Variants in NCOA6 observed in about 807,000 individuals in gnomAD.
The protein encoded by NCOA6 is NRC RAP250.
Under a neutral mutation model 171.4 loss-of-function variants are expected in NCOA6, and 49 were observed. The ratio of observed to expected loss-of-function variants is 0.29; its 90% confidence interval spans 0.23 to 0.36. The LOEUF is 0.36. Among genes scored for constraint, NCOA6 ranks in the 10% least tolerant of loss-of-function variants. The probability of loss-of-function intolerance (pLI) is 1.00; values close to 1 mark genes in which losing one functional copy is unlikely to be tolerated. For synonymous variants in NCOA6, 910 were observed against 927.5 expected, an observed-to-expected ratio of 0.98 and a Z score of 0.34; for missense variants, 2,248 against 2,554.5, an observed-to-expected ratio of 0.88 and a Z score of 2.59.
chr20:34,758,641 GA>G, intron 6 of NCOA6, among the ~76,000 whole-genome samples, 163 bp downstream of exon 6: 1 of 152,284 alleles, frequency 6.6e-6, no homozygotes, highest in Middle Eastern at 3.4e-3. Flanking sequence ...ATTCTGAAAA[GA>G]AAATAATGAC....
chr20:34,795,897 A>C (rs1179428885), intron 1 of NCOA6, among the ~76,000 whole-genome samples: 1 of 152,130 alleles, frequency 6.6e-6, no homozygotes, highest in Non-Finnish European at 1.5e-5. Context: ...GCTTGTTTTC[A>C]AATTATTCAA....
At chr20:34,787,537 A>G (rs564616813) in intron 2 of NCOA6, among the ~76,000 whole-genome samples, 43 of 152,220 alleles carry the variant, frequency 2.8e-4, no homozygotes, top group African/African-American at 8.9e-4. Context: ...AAAAAAAAAA[A>G]AAAAATTAAA....
rs761712751 is a variant in NCOA6, at chr20:34,757,908, T to TTGCTGTTGTTGCTGCTGC, written c.822_839dup (p.Gln280_Gln285dup). ...TTGCCTGCAACTGTTGTTGCTGCTGTTGCTGTTGTTGCTGCTGCTGCTGCT... is the reference window on the plus strand; with the variant it reads ...TTGCCTGCAACTGTTGTTGCTGCTGTTGCTGTTGTTGCTGCTGCTGCTGTTGTTGCTGCTGCTGCTGCT... On this transcript the variant is annotated inframe_insertion, in exon 7 of 15. Coordinates refer to ENST00000359003, the MANE Select transcript of NCOA6 (RefSeq NM_014071.5). The TTGCTGTTGTTGCTGCTGC allele has an allele frequency of 7.6e-5, 122 of 1,613,644 alleles. No individual in the cohort carries two copies. Among genetic ancestry groups the TTGCTGTTGTTGCTGCTGC allele is most frequent in the Middle Eastern group, 1.6e-4 (1 of 6,066 alleles).
At chr20:34,799,556 G>A (rs2078187005) in intron 1 of NCOA6, among the ~76,000 whole-genome samples, 1 of 152,020 alleles carries the variant, frequency 6.6e-6, no homozygotes, top group African/African-American at 2.4e-5. Flanking sequence ...ACTCCCAAAG[G>A]TCAACGATAA....
At chr20:34,764,858 A>C (rs2076928607) in intron 5 of NCOA6, among the ~76,000 whole-genome samples, 1 of 151,968 alleles carries the variant, frequency 6.6e-6, no homozygotes, top group Admixed American at 6.6e-5. Context: ...TCACACCTGT[A>C]ATCTCAGCAC....
intron 2 of NCOA6, among the ~76,000 whole-genome samples, chr20:34,790,527 T>C (rs1033896599): frequency 2.6e-5 from 4 of 151,940 alleles, no homozygotes; most frequent in African/African-American, 9.7e-5. Context: ...GCTAATTTTT[T>C]TGCATTTTTA....
At chr20:34,782,056 T>A in intron 3 of NCOA6, 65 bp downstream of exon 3, 1 of 1,155,304 alleles carries the variant, frequency 8.7e-7, no homozygotes, top group Non-Finnish European at 1.2e-6. Flanking sequence ...AAACTCAAGA[T>A]AACCATGGAA....
In NCOA6 at chr20:34,741,147, A is replaced by G. The variant is rs200880705; in HGVS notation, c.5109T>C (p.Pro1703=). The G allele has an allele frequency of 7.7e-5, 124 of 1,614,108 alleles. 1 individual carries two copies. Among genetic ancestry groups the G allele is most frequent in the South Asian group, 3.1e-4 (28 of 91,092 alleles). ...GAGCAGAAGAAAATTTTATGTTCTG[A>G]GGTATGTGTAAAGGGCCAACAACTG... ...SVAVVGPLHI[P]QNIKFSSAPV... The change falls in exon 11 of 15, where the codon CCT becomes CCC. Residue 1703 remains proline, a synonymous_variant. Coordinates refer to ENST00000359003, the MANE Select transcript of NCOA6 (RefSeq NM_014071.5).
chr20:34,728,981 T>C (rs759935378), intron 13 of NCOA6, among the ~76,000 whole-genome samples: 3 of 152,174 alleles, frequency 2.0e-5, no homozygotes, highest in Non-Finnish European at 4.4e-5. Context: ...GATGGAGTCT[T>C]GCTCTGTGCC....
intron 3 of NCOA6, among the ~76,000 whole-genome samples, chr20:34,779,116 A>C (rs2146154321): frequency 6.6e-6 from 1 of 152,282 alleles, no homozygotes; most frequent in Admixed American, 6.5e-5. Context: ...ATTATACAAT[A>C]AAAAATACTT....
Position 34,757,898 on chromosome 20 carries a change from G to T in NCOA6, c.850C>A (p.Gln284Lys), listed in dbSNP as rs781548491. Residue 284 changes from glutamine to lysine, a missense_variant, in exon 7 of 15, where the codon CAA becomes AAA. By Grantham distance (53) the Gln-to-Lys change is moderately conservative. This residue lies in a region of NCOA6 where 987 missense variants were observed against 1,104.7 expected (regional missense o/e 0.89). Transcript: ENST00000359003. The stretch of plus-strand genomic sequence containing the variant: ...TGTGGGGGTCTTGCCTGCAACTGTT[G>T]TTGCTGCTGTTGCTGTTGTTGCTGC... ...QQQQQQQQQQ[Q>K]QLQARPPQQH... The T allele has an allele frequency of 9.9e-6, 16 of 1,614,068 alleles. No homozygotes were observed. In the East Asian group the frequency reaches 3.3e-4, roughly 34 times the overall value.
chr20:34,823,245 C>T (rs59308327), intron 1 of NCOA6, among the ~76,000 whole-genome samples: 4 of 151,930 alleles, frequency 2.6e-5, no homozygotes, highest in Admixed American at 2.6e-4. Flanking sequence ...AGGCTGGGCG[C>T]GGTGGCTCAC....
intron 3 of NCOA6, among the ~76,000 whole-genome samples, chr20:34,778,711 C>A (rs1245581818): frequency 6.6e-6 from 1 of 152,038 alleles, no homozygotes; most frequent in African/African-American, 2.4e-5. Context: ...CAGGCATGAG[C>A]CACCACACCC....
intron 3 of NCOA6, among the ~76,000 whole-genome samples, chr20:34,780,880 C>T (rs1023818019): frequency 3.3e-5 from 5 of 151,950 alleles, no homozygotes; most frequent in Non-Finnish European, 5.9e-5. Context: ...TCTTGAACTC[C>T]TGGGTTCAAG....
intron 14 of NCOA6, among the ~76,000 whole-genome samples, chr20:34,717,975 G>C (rs745925490): frequency 6.6e-6 from 1 of 152,156 alleles, no homozygotes; most frequent in Non-Finnish European, 1.5e-5. Flanking sequence ...AGCAACCTCA[G>C]GCTCCCCCTC....
At chr20:34,809,807 A>C (rs1242989963) in intron 1 of NCOA6, among the ~76,000 whole-genome samples, 1 of 152,136 alleles carries the variant, frequency 6.6e-6, no homozygotes, top group Non-Finnish European at 1.5e-5. Flanking sequence ...TCTCTACTAA[A>C]AATAAAAAAA....
At chr20:34,799,738 T>C (rs540566475) in intron 1 of NCOA6, among the ~76,000 whole-genome samples, 17 of 152,186 alleles carry the variant, frequency 1.1e-4, no homozygotes, top group African/African-American at 3.4e-4. Flanking sequence ...CCTAGAATAG[T>C]ATATCCAGTG....
Position 34,778,809 on chromosome 20 carries a change from A to G in NCOA6, c.236-2361T>C, listed in dbSNP as rs1417854512. Among the ~76,000 whole-genome samples the G allele has an allele frequency of 3.9e-5, 6 of 151,970 alleles. No individual in the cohort carries two copies. In the East Asian group the frequency reaches 1.2e-3, roughly 30 times the overall value. On this transcript the variant is annotated intron_variant, in intron 3 of 14. Coordinates refer to ENST00000359003, the MANE Select transcript of NCOA6 (RefSeq NM_014071.5). ...CCATCTCTACTAAAAAATACAAAAA[A>G]TTAGCCTGGTGTGGTGGCGGGCGCC...
chr20:34,740,512 C>T lies in NCOA6; in HGVS notation c.5744G>A (p.Arg1915His), dbSNP rs553489486. The change falls in exon 11 of 15, where the codon CGC becomes CAC. Residue 1915 changes from arginine to histidine, a missense_variant. Arg to His is a conservative substitution (Grantham distance 29). Transcript: ENST00000359003. Reference sequence around the variant, plus strand: ...GGGTACCAGAGTGGTTACTATCGAGCGTACACTGGTGGGGAGAGCACCGCC... The same window carrying T: ...GGGTACCAGAGTGGTTACTATCGAGTGTACACTGGTGGGGAGAGCACCGCC... ...LPGGALPTSV[R>H]SIVTTLVPSE... is the part of the protein sequence containing the mutation. 9.3e-6 allele frequency: 15 copies of T among 1,614,172 alleles called. No individual in the cohort carries two copies. The highest frequency in any genetic ancestry group is 4.5e-5 in the East Asian group (2 of 44,878).
Sources: allele counts gnomAD v4.1 joint callset (sites outside exome capture counted in the v4.1 genomes callset), GRCh38; gene constraint gnomAD v4.1.1; regional missense constraint gnomAD v4.1.1; transcripts MANE v1.5; gene names NCBI Gene and HGNC (gene_info 2026-07-23, HGNC 2026-07-21).